Variants in RNF31 observed in about 807,000 individuals in gnomAD.
RNF31 encodes the protein E3 ubiquitin-protein ligase RNF31.
Under a neutral mutation model 133.6 loss-of-function variants are expected in RNF31, and 38 were observed. That is an observed-to-expected ratio of 0.28 (90% CI 0.22 to 0.37). The LOEUF is 0.37. RNF31 is among the 10% of genes least tolerant of loss of function. The probability of loss-of-function intolerance (pLI) is 1.00; values close to 1 mark genes in which losing one functional copy is unlikely to be tolerated. For missense variants in RNF31, 1,118 were observed against 1,394.1 expected (o/e 0.80, Z 3.15); for synonymous variants, 582 against 552.3 (o/e 1.05, Z -0.75).
Position 24,150,797 on chromosome 14 carries a change from G to GTTCC in RNF31, c.1398_1399insTCCT (p.Ala467SerfsTer12). On this transcript the variant is annotated frameshift_variant, in exon 8 of 21. Coordinates refer to ENST00000324103, the MANE Select transcript of RNF31 (RefSeq NM_017999.5). LOFTEE classifies it high-confidence loss of function. Reference sequence around the variant, plus strand: ...AAGCCTGGGCCCCCACGACGCCTTAGTGCCCCCCTGCCCAGTTCCTGTGGA... The same window carrying GTTCC: ...AAGCCTGGGCCCCCACGACGCCTTAGTTCCTGCCCCCCTGCCCAGTTCCTGTGGA... 6.2e-7 allele frequency: 1 copy of GTTCC among 1,607,718 alleles called. No homozygotes were observed. The highest frequency in any genetic ancestry group is 8.5e-7 in the Non-Finnish European group (1 of 1,176,214).
upstream of RNF31, chr14:24,147,490 CCT>C: frequency 2.4e-6 from 1 of 418,794 alleles, no homozygotes; most frequent in Non-Finnish European, 4.1e-6. Flanking sequence ...GCAGTCCCAC[CCT>C]CTCTCCTAGT....
Position 24,149,565 on chromosome 14 carries a change from G to A in RNF31, c.791G>A (p.Gly264Asp). The part of the protein sequence containing the change: ...LRQTLPGVLQ[G>D]THLSPSLPAS... Reference sequence around the variant, plus strand: ...CAGACCCTGCCTGGGGTCCTGCAGGGTACCCACCTGAGCCCCAGGTGAGAG... The same window carrying A: ...CAGACCCTGCCTGGGGTCCTGCAGGATACCCACCTGAGCCCCAGGTGAGAG... Residue 264 changes from glycine to aspartate, a missense_variant, in exon 6 of 21, where the codon GGT becomes GAT. Physicochemically the swap from Gly to Asp is moderately conservative, Grantham distance 94. This residue lies in a region of RNF31 where 747 missense variants were observed against 827.9 expected (regional missense o/e 0.90). Transcript: ENST00000324103. The A allele has an allele frequency of 3.1e-6, 5 of 1,613,756 alleles. No individual in the cohort carries two copies. Among genetic ancestry groups the A allele is most frequent in the Non-Finnish European group, 3.4e-6 (4 of 1,179,872 alleles).
At position 24,148,781 on chromosome 14, in the gene RNF31, C is replaced by T. The variant is rs371052852; in HGVS notation, c.556-20C>T. The T allele has an allele frequency of 1.1e-5, 17 of 1,614,012 alleles. No individual in the cohort carries two copies. Among genetic ancestry groups the T allele is most frequent in the Non-Finnish European group, 1.3e-5 (15 of 1,179,868 alleles). ...CTGTGTCCCTAAACCCTTATTCATT[C>T]CCTGCCCTTTCTTTTTCAGATGCTG... On this transcript the variant is annotated intron_variant, in intron 4 of 20. Transcript: ENST00000324103.
At chr14:24,150,488 G>A in intron 7 of RNF31, 40 bp downstream of exon 7, 1 of 1,584,592 alleles carries the variant, frequency 6.3e-7, no homozygotes, top group Non-Finnish European at 8.6e-7. Flanking sequence ...TGTTACCTCA[G>A]GCATTCTCTT....
rs1210735437 is a variant in RNF31, at chr14:24,155,254, T to G, written c.2228T>G (p.Val743Gly). The change falls in exon 12 of 21, where the codon GTG (valine) becomes GGG (glycine). Residue 743 changes from valine to glycine, a missense_variant. By Grantham distance (109) the Val-to-Gly change is moderately radical. This residue lies in a region of RNF31 where 201 missense variants were observed against 371.7 expected (regional missense o/e 0.54). Transcript: ENST00000324103. This position sits in a 1 kb window ranked among gnomAD's most constrained non-coding sequence, Gnocchi z 4.9. ...ALKEKHITDM[V>G]CPACGRPDLT... ...AAGGAGAAGCACATCACAGACATGG[T>G]GTGCCCTGCCTGTGGCCGCCCCGAC... is the stretch of plus-strand genomic sequence containing the variant. 1 of 1,614,152 alleles carries G rather than the reference T, an allele frequency of 6.2e-7. No individual in the cohort carries two copies. Among genetic ancestry groups the G allele is most frequent in the Non-Finnish European group, 8.5e-7 (1 of 1,180,022 alleles).
intron 11 of RNF31, 199 bp from the exon 12 acceptor site, chr14:24,154,958 A>G: frequency 1.7e-6 from 1 of 585,176 alleles, no homozygotes; most frequent in African/African-American, 1.9e-5. Flanking sequence ...CTTAGGTGTC[A>G]CCATTGTCTA....
At chr14:24,154,436 C>G (rs1026819196) in intron 11 of RNF31, among the ~76,000 whole-genome samples, 1 of 152,158 alleles carries the variant, frequency 6.6e-6, no homozygotes, top group Non-Finnish European at 1.5e-5. Flanking sequence ...GCCATGGTGC[C>G]TGGCCTAATT....
chr14:24,155,059 T>C lies in RNF31; in HGVS notation c.2131-98T>C. 8.2e-7 allele frequency: 1 copy of C among 1,219,430 alleles called. No individual in the cohort carries two copies. Among genetic ancestry groups the C allele is most frequent in the Non-Finnish European group, 1.2e-6 (1 of 861,610 alleles). The allele number at this position is 1,219,430 out of a possible 1,614,324, so 75.5% of individuals were successfully genotyped here. The stretch of plus-strand genomic sequence containing the variant: ...TTGTTAACCCTGCCCAGTTGTTAAT[T>C]AGACCCTGATTTCTTAGTGGACACC... On this transcript the variant is annotated intron_variant, in intron 11 of 20. Transcript: ENST00000324103. The surrounding 1 kb of genome is among the most constrained non-coding windows in gnomAD (Gnocchi z 4.9).
intron 18 of RNF31, among the ~76,000 whole-genome samples, chr14:24,159,003 A>T (rs1451114256): frequency 7.7e-6 from 1 of 129,954 alleles, no homozygotes; most frequent in Non-Finnish European, 1.5e-5. Context: ...ACCGCACTCC[A>T]GCCTGGGCAA....
At position 24,160,015 on chromosome 14, in the gene RNF31, G is replaced by C; in HGVS notation, c.2996+55G>C. The stretch of plus-strand genomic sequence containing the variant: ...TTGGGCAGTGGGTAGAAGTGGTGAG[G>C]GCATGCCCAGGCAGTAAAATGGGTC... On this transcript the variant is annotated intron_variant, in intron 19 of 20. Coordinates refer to ENST00000324103, the MANE Select transcript of RNF31 (RefSeq NM_017999.5). This position sits in a 1 kb window ranked among gnomAD's most constrained non-coding sequence, Gnocchi z 4.0. 1 of 1,527,442 alleles carries C rather than the reference G, an allele frequency of 6.5e-7. No homozygotes were observed. The highest frequency in any genetic ancestry group is 1.7e-5 in the Admixed American group (1 of 58,996). The allele number at this position is 1,527,442 out of a possible 1,614,324, so 94.6% of individuals were successfully genotyped here.
At chr14:24,158,080 G>C (rs1176898662) in intron 17 of RNF31, 62 bp from the exon 18 acceptor site, 1 of 1,611,748 alleles carries the variant, frequency 6.2e-7, no homozygotes, top group Non-Finnish European at 8.5e-7. Flanking sequence ...CTCCGTGCTA[G>C]GAATTGCAAC....
Position 24,159,953 on chromosome 14 carries a change from C to T in RNF31, c.2989C>T (p.Leu997=). ...GKETPAGYAG[L]CQAHYKEYLV... ...GGAAACTCCAGCTGGCTATGCCGGC[C>T]TGTGCCAGTGAGTGCCAGCAGGACA... Residue 997 remains leucine (L), a synonymous_variant, in exon 19 of 21, where the codon CTG becomes TTG. Transcript: ENST00000324103. 3.7e-6 allele frequency: 6 copies of T among 1,613,580 alleles called. No individual in the cohort carries two copies. In the East Asian group the frequency reaches 1.1e-4, roughly 30 times the overall value.
In RNF31 at chr14:24,159,892, G is replaced by A. The variant is rs183022825; in HGVS notation, c.2928G>A (p.Glu976=). The A allele has an allele frequency of 2.0e-4, 330 of 1,614,152 alleles. No homozygotes were observed. The African/African-American group carries it at 3.8e-3, about 19-fold the overall frequency. ...GGGCRVIEQK[E]VPNGLRDEAC... is the part of the protein sequence containing the mutation. ...GCTGCCGAGTGATAGAGCAGAAGGA[G>A]GTTCCCAATGGGCTCAGGGACGAAG... Residue 976 remains glutamate, a synonymous_variant, in exon 19 of 21, where the codon GAG becomes GAA. Coordinates refer to ENST00000324103, the MANE Select transcript of RNF31 (RefSeq NM_017999.5).
chr14:24,151,629 G>A lies in RNF31; in HGVS notation c.1882G>A (p.Gly628Ser). The change falls in exon 10 of 21, where the codon GGC (glycine) becomes AGC (serine). Residue 628 changes from glycine (G) to serine (S), a missense_variant. This residue lies in a region of RNF31 where 747 missense variants were observed against 827.9 expected (regional missense o/e 0.90). Coordinates refer to ENST00000324103, the MANE Select transcript of RNF31 (RefSeq NM_017999.5). The surrounding 1 kb of genome is among the most constrained non-coding windows in gnomAD (Gnocchi z 5.3). ...EPFRQRLWDS[G>S]PEPTPSWDGP... is the part of the protein sequence containing the mutation. ...CTTCCGCCAGCGCCTCTGGGACAGTGGCCCTGAGCCCACCCCTTCCTGGGA... is the reference window on the plus strand; with the variant it reads ...CTTCCGCCAGCGCCTCTGGGACAGTAGCCCTGAGCCCACCCCTTCCTGGGA... 1 of 1,613,012 alleles carries A rather than the reference G, an allele frequency of 6.2e-7. No individual in the cohort carries two copies. Among genetic ancestry groups the A allele is most frequent in the South Asian group, 1.1e-5 (1 of 91,088 alleles).
chr14:24,148,027 T>A lies in RNF31; in HGVS notation c.244T>A (p.Tyr82Asn), dbSNP rs1566611757. 1 of 1,614,180 alleles carries A rather than the reference T, an allele frequency of 6.2e-7. No homozygotes were observed. Among genetic ancestry groups the A allele is most frequent in the African/African-American group, 1.3e-5 (1 of 75,052 alleles). Residue 82 changes from tyrosine to asparagine, a missense_variant, in exon 2 of 21, where the codon TAC (tyrosine) becomes AAC (asparagine). Around this residue, in one of 3 missense-constraint regions of RNF31, gnomAD observed 747 missense variants for 827.9 expected, o/e 0.90. Transcript: ENST00000324103. ...LSTALNILEKYGRNLLSPQRP... is the reference protein window; with the variant it reads ...LSTALNILEKNGRNLLSPQRP... ...CACGGCTCTGAACATCCTGGAGAAA[T>A]ACGGCCGCAACCTTCTCAGCCCTCA...
At position 24,155,493 on chromosome 14, in the gene RNF31, A is replaced by C; in HGVS notation, c.2384A>C (p.Lys795Thr). ...LTEGVLMRDPKFLWCAQCSFG... is the reference protein window; with the variant it reads ...LTEGVLMRDPTFLWCAQCSFG... ...GAGGGTGTGCTGATGCGGGACCCCA[A>C]GTTCTTGTGGTGTGCCCAGGTAAGT... The change falls in exon 13 of 21, where the codon AAG becomes ACG. Residue 795 changes from lysine to threonine, a missense_variant. Coordinates refer to ENST00000324103, the MANE Select transcript of RNF31 (RefSeq NM_017999.5). The surrounding 1 kb of genome is among the most constrained non-coding windows in gnomAD (Gnocchi z 4.9). 6.2e-7 allele frequency: 1 copy of C among 1,614,148 alleles called. No homozygotes were observed. Among genetic ancestry groups the C allele is most frequent in the East Asian group, 2.2e-5 (1 of 44,874 alleles).
chr14:24,155,220 A>G lies in RNF31; in HGVS notation c.2194A>G (p.Ile732Val), dbSNP rs2038324607. The G allele has an allele frequency of 6.2e-7, 1 of 1,614,030 alleles. No individual in the cohort carries two copies. Among genetic ancestry groups the G allele is most frequent in the Non-Finnish European group, 8.5e-7 (1 of 1,180,010 alleles). The change falls in exon 12 of 21, where the codon ATC (isoleucine) becomes GTC (valine). Residue 732 changes from isoleucine (I) to valine (V), a missense_variant. By Grantham distance (29) the Ile-to-Val change is conservative (BLOSUM62 3). Coordinates refer to ENST00000324103, the MANE Select transcript of RNF31 (RefSeq NM_017999.5). The surrounding 1 kb of genome is among the most constrained non-coding windows in gnomAD (Gnocchi z 4.9). ...TGACTGCTTCCGCCAGCACTTCACC[A>G]TCGCCTTGAAGGAGAAGCACATCAC... is the stretch of plus-strand genomic sequence containing the variant. ...CPDCFRQHFTIALKEKHITDM... is the reference protein window; with the variant it reads ...CPDCFRQHFTVALKEKHITDM...
chr14:24,148,458 G>C, intron 3 of RNF31, 45 bp downstream of exon 3: 2 of 1,613,226 alleles, frequency 1.2e-6, no homozygotes, highest in Non-Finnish European at 1.7e-6. Context: ...ACCAGGGCTG[G>C]GGAGCCCAGC....
Position 24,155,405 on chromosome 14 carries a change from TG to T in RNF31, c.2305-8del. The T allele has an allele frequency of 3.1e-6, 5 of 1,608,222 alleles. No homozygotes were observed. The highest frequency in any genetic ancestry group is 3.4e-6 in the Non-Finnish European group (4 of 1,175,056). On this transcript the variant is annotated splice_polypyrimidine_tract_variant and splice_region_variant and intron_variant, in intron 12 of 20. Coordinates refer to ENST00000324103, the MANE Select transcript of RNF31 (RefSeq NM_017999.5). This position sits in a 1 kb window ranked among gnomAD's most constrained non-coding sequence, Gnocchi z 4.9. ...CCTCCCACCCACCACCTCTGCATCC[TG>T]TCCCCAGCTTCGCGAGAGCCTAGAG... is the stretch of plus-strand genomic sequence containing the variant.
Sources: gnomAD v4.1 joint callset for allele counts (sites outside exome capture counted in the v4.1 genomes callset) on GRCh38, gnomAD v4.1.1 for gene constraint, gnomAD v4.1.1 regional missense constraint, Gnocchi (gnomAD v3.1) non-coding constraint, MANE v1.5 for transcripts, NCBI Gene and HGNC (gene_info 2026-07-23, HGNC 2026-07-21) for gene names.